The following TENM2 variants were observed in gnomAD, a reference collection of about 807,000 sequenced individuals.
The protein encoded by TENM2 is teneurin transmembrane protein 2.
A neutral mutation model predicts 245.2 loss-of-function variants in TENM2; 52 were observed. That is an observed-to-expected ratio of 0.21 (90% CI 0.17 to 0.27). The LOEUF (loss-of-function observed/expected upper bound fraction) is 0.27, where lower values mean the gene tolerates loss of function less well. Among genes scored for constraint, TENM2 ranks in the 10% least tolerant of loss-of-function variants. The probability of loss-of-function intolerance (pLI) is 1.00; values close to 1 mark genes in which losing one functional copy is unlikely to be tolerated. For synonymous variants in TENM2, 1,363 were observed against 1,438.9 expected, an observed-to-expected ratio of 0.95 and a Z score of 1.19; for missense variants, 3,046 against 3,666.8, an observed-to-expected ratio of 0.83 and a Z score of 4.37.
chr5:167,617,016 A>T (rs1777834698), intron 2 of TENM2, among the ~76,000 whole-genome samples: 1 of 152,080 alleles, frequency 6.6e-6, no homozygotes, highest in Non-Finnish European at 1.5e-5. Flanking sequence ...AAGCTTTGTG[A>T]TATAATCTGC....
At chr5:167,638,713 G>A (rs1168845647) in intron 2 of TENM2, among the ~76,000 whole-genome samples, 1 of 152,126 alleles carries the variant, frequency 6.6e-6, no homozygotes, top group African/African-American at 2.4e-5. Context: ...CTCTGAGATC[G>A]TTTTGTAATT....
At chr5:167,484,698 C>T (rs564615470) in intron 2 of TENM2, among the ~76,000 whole-genome samples, 3 of 152,138 alleles carry the variant, frequency 2.0e-5, no homozygotes, top group South Asian at 4.1e-4. Context: ...AAGTAAGACA[C>T]AAAGGGAGAT....
At chr5:168,228,155 A>G in intron 25 of TENM2, 25 bp downstream of exon 27, 1 of 1,550,164 alleles carries the variant, frequency 6.5e-7, no homozygotes, top group South Asian at 1.1e-5. Flanking sequence ...CCAATCTGTT[A>G]CCACAGAGTG....
In TENM2 at chr5:167,867,376, C is replaced by T. The variant is rs59387540; in HGVS notation, c.503-8610C>T. Among the ~76,000 whole-genome samples the T allele has an allele frequency of 8.8e-3, 1,336 of 152,262 alleles. 18 individuals carry two copies. Among genetic ancestry groups the T allele is most frequent in the African/African-American group, 0.03 (1,247 of 41,548 alleles). ...GCATGTTGTTGGTGAGATATAGAAA[C>T]GACACCCAAATGCATAGGGTCTCAA... On this transcript the variant is annotated intron_variant, in intron 2 of 28. Transcript: ENST00000518659.
chr5:168,162,592 T>C lies in TENM2; in HGVS notation c.2423-19T>C, dbSNP rs1158388213. On this transcript the variant is annotated intron_variant, in intron 12 of 28. Coordinates refer to ENST00000518659, the Ensembl canonical transcript of TENM2. ...GGCCTCACGTCCCTCCTTCTCATCC[T>C]CTCCATTTCTCCAACCAGATGGCTG... is the stretch of plus-strand genomic sequence containing the variant. The C allele has an allele frequency of 4.3e-6, 7 of 1,611,548 alleles. No individual in the cohort carries two copies. Among genetic ancestry groups the C allele is most frequent in the Admixed American group, 1.7e-5 (1 of 59,972 alleles).
chr5:167,326,451 G>A (rs1366918244), intron 1 of TENM2, among the ~76,000 whole-genome samples: 1 of 151,868 alleles, frequency 6.6e-6, no homozygotes, highest in Non-Finnish European at 1.5e-5. Flanking sequence ...GAGGTGGGCA[G>A]ATCACGAGGT....
At position 168,143,059 on chromosome 5, in the gene TENM2, C is replaced by T. The variant is rs375712792; in HGVS notation, c.2422+16093C>T. Among the ~76,000 whole-genome samples the T allele has an allele frequency of 5.9e-5, 9 of 152,240 alleles. No individual in the cohort carries two copies. In the East Asian group the frequency reaches 1.4e-3, roughly 23 times the overall value. On this transcript the variant is annotated intron_variant, in intron 12 of 28. Coordinates refer to ENST00000518659, the Ensembl canonical transcript of TENM2. ...GTGCTTCCTAGGTGCTAGAATAGCC[C>T]ATTTTTAGGGAGTCAAGAGCTGGAT... is the stretch of plus-strand genomic sequence containing the variant.
rs149374221 is a variant in TENM2 at position 168,152,891 on chromosome 5, C to T, written c.2423-9720C>T. The stretch of plus-strand genomic sequence containing the variant: ...CCCCTGTCATCAGCTTGGTTTTGAA[C>T]GCTGGGCTGCAACCAGCTGCTTCAT... On this transcript the variant is annotated intron_variant, in intron 12 of 28. Transcript: ENST00000518659. Among the ~76,000 whole-genome samples, 9 of 152,264 alleles carry T rather than the reference C, an allele frequency of 5.9e-5. No homozygotes were observed. The South Asian group carries it at 6.2e-4, about 11-fold the overall frequency.
At chr5:167,928,913 A>AAAG (rs1367142661) in intron 3 of TENM2, among the ~76,000 whole-genome samples, 12 of 135,404 alleles carry the variant, frequency 8.9e-5, no homozygotes, top group Non-Finnish European at 1.2e-4. Context: ...AAAAAAAAAA[A>AAAG]AAGAAGAAGA....
intron 25 of TENM2, among the ~76,000 whole-genome samples, chr5:168,234,965 C>A (rs543174221): frequency 2.6e-5 from 4 of 152,230 alleles, no homozygotes; most frequent in East Asian, 1.9e-4. Flanking sequence ...TATGACATTG[C>A]AATTACGTGT....
the TENM2 span, among the ~76,000 whole-genome samples, chr5:167,221,886 T>C: frequency 6.6e-6 from 1 of 152,190 alleles, no homozygotes; most frequent in Non-Finnish European, 1.5e-5. Context: ...TGGCTAGTTA[T>C]TGTAGGTAAG....
intron 1 of TENM2, among the ~76,000 whole-genome samples, chr5:167,367,052 T>G (rs1455060765): frequency 6.6e-6 from 1 of 152,136 alleles, no homozygotes; most frequent in African/African-American, 2.4e-5. Context: ...CAAATTGGGC[T>G]TTGTTCAGAT....
intron 2 of TENM2, among the ~76,000 whole-genome samples, chr5:167,435,938 G>T (rs902159708): frequency 6.8e-6 from 1 of 146,486 alleles, no homozygotes; most frequent in Non-Finnish European, 1.5e-5. Flanking sequence ...GATGAGTCAG[G>T]ATACCTGGTA....
chr5:167,525,218 T>C (rs960485627), intron 2 of TENM2, among the ~76,000 whole-genome samples: 2 of 152,160 alleles, frequency 1.3e-5, no homozygotes, highest in Non-Finnish European at 2.9e-5. Context: ...GCCGATTGCT[T>C]AGACTGATAC....
intron 1 of TENM2, among the ~76,000 whole-genome samples, chr5:167,344,953 A>G (rs2127824692): frequency 6.6e-6 from 1 of 152,276 alleles, no homozygotes; most frequent in East Asian, 1.9e-4. Context: ...TCAGACTCTA[A>G]GATGAGGATG....
At chr5:168,022,891 C>T (rs1259314508) in intron 5 of TENM2, among the ~76,000 whole-genome samples, 4 of 152,136 alleles carry the variant, frequency 2.6e-5, no homozygotes, top group South Asian at 2.1e-4. Context: ...CTGCCCCGCT[C>T]GAAGCCACAC....
chr5:167,181,707 A>T, the TENM2 span, among the ~76,000 whole-genome samples: 1 of 152,194 alleles, frequency 6.6e-6, no homozygotes, highest in Non-Finnish European at 1.5e-5. Context: ...TACATGGCCA[A>T]TTCTGTATGT....
At chr5:167,268,411 C>T in the TENM2 span, among the ~76,000 whole-genome samples, 1 of 152,152 alleles carries the variant, frequency 6.6e-6, no homozygotes, top group Non-Finnish European at 1.5e-5. Flanking sequence ...TCAGTAACCT[C>T]CTAAATACAA....
At chr5:167,070,178 C>G in the TENM2 span, among the ~76,000 whole-genome samples, 1 of 149,090 alleles carries the variant, frequency 6.7e-6, no homozygotes, top group Non-Finnish European at 1.5e-5. Flanking sequence ...AGTGCAGGGG[C>G]GCGATCTCGG....
Sources: gnomAD v4.1 joint callset for allele counts (sites outside exome capture counted in the v4.1 genomes callset) on GRCh38, gnomAD v4.1.1 for gene constraint, MANE v1.5 for transcripts, NCBI Gene and HGNC (gene_info 2026-07-23, HGNC 2026-07-21) for gene names.